The following ARHGEF16 variants were observed in gnomAD, a reference collection of about 807,000 sequenced individuals.
ARHGEF16 encodes the protein Rho guanine exchange factor (GEF) 16.
A neutral mutation model predicts 74.1 loss-of-function variants in ARHGEF16; 59 were observed. The observed-to-expected ratio is 0.80, with a 90% CI of 0.65 to 0.99. The LOEUF is 0.99. Among genes scored for constraint, ARHGEF16 ranks in the 50% least tolerant of loss-of-function variants. The pLI, the probability that ARHGEF16 is intolerant of heterozygous loss-of-function variation, is 0.00. For synonymous variants in ARHGEF16, 415 were observed against 412.6 expected (o/e 1.01, Z -0.07); for missense variants, 948 against 986.6 (o/e 0.96, Z 0.52).
chr1:3,478,748 T>C, intron 12 of ARHGEF16, 136 bp downstream of exon 12: 1 of 1,037,066 alleles, frequency 9.6e-7, no homozygotes, highest in East Asian at 2.6e-5. Context: ...CTGCTGTAGG[T>C]GCTGAGGTAG....
At chr1:3,477,717 G>T (rs1178392886) in intron 10 of ARHGEF16, among the ~76,000 whole-genome samples, 158 bp from the exon 11 acceptor site, 1 of 152,016 alleles carries the variant, frequency 6.6e-6, no homozygotes, top group Non-Finnish European at 1.5e-5. Flanking sequence ...CCTCTGTCCA[G>T]CCCCGACTGA....
At chr1:3,467,388 C>T in intron 4 of ARHGEF16, 51 bp downstream of exon 4, 1 of 1,510,368 alleles carries the variant, frequency 6.6e-7, no homozygotes, top group South Asian at 1.2e-5. Context: ...GGAGAAGCCA[C>T]AGTCCCCCTG....
At position 3,480,786 on chromosome 1, in the gene ARHGEF16, G is replaced by A; in HGVS notation, c.*199G>A. The A allele has an allele frequency of 1.3e-6, 1 of 743,604 alleles. No homozygotes were observed. Among genetic ancestry groups the A allele is most frequent in the Non-Finnish European group, 2.1e-6 (1 of 472,482 alleles). 46.1% of individuals were successfully genotyped at this position (743,604 alleles called of 1,614,324 possible). A position where few individuals can be genotyped will look rare whatever the true frequency, so the allele number is the denominator to read the frequency against. ...CATGTCCCCAGAGAGGCACCCCCAG[G>A]CAAGCTCGAGGGGGCCACACCGTGT... On this transcript the variant is annotated 3_prime_UTR_variant, in exon 15 of 15. Transcript: ENST00000378378.
chr1:3,455,257 T>G (rs1639240363), intron 1 of ARHGEF16, among the ~76,000 whole-genome samples: 1 of 151,942 alleles, frequency 6.6e-6, no homozygotes, highest in Non-Finnish European at 1.5e-5. Context: ...CGGGAGCTCT[T>G]TGGGGAATCT....
At chr1:3,460,864 C>T (rs995614745) in intron 1 of ARHGEF16, among the ~76,000 whole-genome samples, 24 of 152,162 alleles carry the variant, frequency 1.6e-4, no homozygotes, top group Admixed American at 1.4e-3. Context: ...GAGGCTCAGC[C>T]GCACGTGCCT....
intron 1 of ARHGEF16, among the ~76,000 whole-genome samples, chr1:3,461,791 G>A (rs2100734307): frequency 6.6e-6 from 1 of 152,324 alleles, no homozygotes; most frequent in East Asian, 1.9e-4. Flanking sequence ...CGGGGTCCAG[G>A]CCATTGAGGC....
At position 3,461,743 on chromosome 1, in the gene ARHGEF16, G is replaced by T. The variant is rs546248708; in HGVS notation, c.-19-1323G>T. Reference sequence around the variant, plus strand: ...CAGACCTCTGGGCCCGGCTCCTGGAGGCCGTGTCGGCTGGGGGCTCTGCAC... The same window carrying T: ...CAGACCTCTGGGCCCGGCTCCTGGATGCCGTGTCGGCTGGGGGCTCTGCAC... On this transcript the variant is annotated intron_variant, in intron 1 of 14. Coordinates refer to ENST00000378378, the MANE Select transcript of ARHGEF16 (RefSeq NM_014448.4). Among the ~76,000 whole-genome samples, 288 of 152,338 alleles carry T rather than the reference G, an allele frequency of 1.9e-3. 1 individual carries two copies. The highest frequency in any genetic ancestry group is 1.9e-3 in the Non-Finnish European group (131 of 68,038).
chr1:3,468,564 C>G (rs1639612618), intron 4 of ARHGEF16: 1 of 404,360 alleles, frequency 2.5e-6, no homozygotes, highest in African/African-American at 2.0e-5. Flanking sequence ...CTCCATCTGC[C>G]GGGAAGATCT....
At chr1:3,463,897 C>T (rs994836933) in intron 2 of ARHGEF16, among the ~76,000 whole-genome samples, 5 of 152,224 alleles carry the variant, frequency 3.3e-5, no homozygotes, top group African/African-American at 9.6e-5. Context: ...AGGGTTCTAC[C>T]GAGGCCCCCA....
At chr1:3,462,026 C>T (rs923462831) in intron 1 of ARHGEF16, among the ~76,000 whole-genome samples, 8 of 152,036 alleles carry the variant, frequency 5.3e-5, no homozygotes, top group African/African-American at 1.9e-4. Context: ...CAGCCCCGGA[C>T]CATGAAGGGA....
intron 2 of ARHGEF16, among the ~76,000 whole-genome samples, chr1:3,465,257 C>A (rs557194260): frequency 6.6e-6 from 1 of 152,344 alleles, no homozygotes; most frequent in South Asian, 2.1e-4. Flanking sequence ...GGGCCTCCAG[C>A]GCAGGGAGAA....
At chr1:3,474,470 G>T in intron 8 of ARHGEF16, 1 of 492,494 alleles carries the variant, frequency 2.0e-6, no homozygotes, top group East Asian at 3.2e-5. Context: ...GGATGGGAAG[G>T]GAAGGGTTCC....
chr1:3,463,015 G>C (rs575508698), intron 1 of ARHGEF16, 51 bp from the exon 2 acceptor site: 1 of 1,315,928 alleles, frequency 7.6e-7, no homozygotes, highest in Non-Finnish European at 1.0e-6. Context: ...GGACACCCGC[G>C]GGGGCAGGGG....
At chr1:3,478,816 C>T (rs775302135) in intron 12 of ARHGEF16, among the ~76,000 whole-genome samples, 3 of 151,870 alleles carry the variant, frequency 2.0e-5, no homozygotes, top group East Asian at 1.9e-4. Flanking sequence ...CGGGAGGGGA[C>T]GCACCAACAG....
rs763386116 is a variant in ARHGEF16 at position 3,473,405 on chromosome 1, C to T, written c.1188C>T (p.Ala396=). 9.3e-6 allele frequency: 15 copies of T among 1,608,284 alleles called. No individual in the cohort carries two copies. The South Asian group carries it at 9.9e-5, about 11-fold the overall frequency. ...TGTCCTCTTGCAGAAGCAGCAACGC[C>T]GCCTTCCGAGAGGCCCTGAGAGAGA... The part of the protein sequence containing the change: ...RTLQKLISSN[A]AFREALREIE... Residue 396 remains alanine, a synonymous_variant, in exon 8 of 15, where the codon GCC becomes GCT. Coordinates refer to ENST00000378378, the MANE Select transcript of ARHGEF16 (RefSeq NM_014448.4).
chr1:3,469,002 C>G, intron 5 of ARHGEF16, 66 bp downstream of exon 5: 1 of 1,534,662 alleles, frequency 6.5e-7, no homozygotes, highest in Non-Finnish European at 8.8e-7. Context: ...CGGGGAGGGG[C>G]AGCAGCCACG....
chr1:3,461,401 T>C (rs1252175578), intron 1 of ARHGEF16, among the ~76,000 whole-genome samples: 1 of 152,210 alleles, frequency 6.6e-6, no homozygotes, highest in African/African-American at 2.4e-5. Context: ...CTTGCTCTTA[T>C]CATGCCCATT....
At chr1:3,465,717 T>C (rs549492849) in intron 2 of ARHGEF16, among the ~76,000 whole-genome samples, 1 of 152,138 alleles carries the variant, frequency 6.6e-6, no homozygotes, top group Non-Finnish European at 1.5e-5. Flanking sequence ...ACTTCTGCCA[T>C]CCCGGCCTCC....
intron 1 of ARHGEF16, 61 bp downstream of exon 1, chr1:3,454,872 G>A (rs932999392): frequency 1.3e-5 from 2 of 152,110 alleles, no homozygotes; most frequent in African/African-American, 4.8e-5. Context: ...GGAGCCGGGT[G>A]GGGGGATTAG....
Sources: allele counts gnomAD v4.1 joint callset (sites outside exome capture counted in the v4.1 genomes callset), GRCh38; gene constraint gnomAD v4.1.1; transcripts MANE v1.5; gene names NCBI Gene and HGNC (gene_info 2026-07-23, HGNC 2026-07-21).